SPRY2: variants seen among roughly 807,000 people sequenced by gnomAD.
The protein encoded by SPRY2 is protein sprouty homolog 2.
Under a neutral mutation model 23.4 loss-of-function variants are expected in SPRY2, and 10 were observed. That is an observed-to-expected ratio of 0.43 (90% confidence interval 0.26 to 0.73). SPRY2 has a LOEUF of 0.73. SPRY2 is among the 30% of genes least tolerant of loss of function. The pLI, the probability that SPRY2 is intolerant of heterozygous loss-of-function variation, is 0.22. For missense variants in SPRY2, 344 were observed against 396.9 expected (o/e 0.87, Z 1.13); for synonymous variants, 170 against 156.9 (o/e 1.08, Z -0.62).
chr13:80,336,560 T>G lies in SPRY2; in HGVS notation c.*198A>C, dbSNP rs1205829657. 6 of 655,498 alleles carry G rather than the reference T, an allele frequency of 9.2e-6. No individual in the cohort carries two copies. Among genetic ancestry groups the G allele is most frequent in the African/African-American group, 9.1e-5 (5 of 55,122 alleles). The allele number at this position is 655,498 out of a possible 1,614,324, so 40.6% of individuals were successfully genotyped here. On this transcript the variant is annotated 3_prime_UTR_variant, in exon 2 of 2. Coordinates refer to ENST00000377104, the MANE Select transcript of SPRY2 (RefSeq NM_005842.4). ...TCACCAAGTTCTGTATCTCATACTT[T>G]GAGCTCCATTAGCTGAGTTCTAACA...
Position 80,337,450 on chromosome 13 carries a change from G to C in SPRY2, c.256C>G (p.Pro86Ala), listed in dbSNP as rs1158468425. 5 of 1,614,202 alleles carry C rather than the reference G, an allele frequency of 3.1e-6. No homozygotes were observed. In the South Asian group the frequency reaches 5.5e-5, roughly 18 times the overall value. The change falls in exon 2 of 2, where the codon CCT becomes GCT. Residue 86 changes from proline (P) to alanine (A), a missense_variant. Physicochemically the swap from Pro to Ala is conservative, Grantham distance 27 (BLOSUM62 -1). Transcript: ENST00000377104. ...AGCCTAGGAGGCTGGCGGTGCTCAG[G>C]CAGACCGTGGAGTCTCTCGTGTTTG... ...QHKHERLHGL[P>A]EHRQPPRLQH...
rs762291759 is a variant in SPRY2 at position 80,337,486 on chromosome 13, A to C, written c.220T>G (p.Ser74Ala). 4 of 1,613,980 alleles carry C rather than the reference A, an allele frequency of 2.5e-6. No homozygotes were observed. The South Asian group carries it at 3.3e-5, about 13-fold the overall frequency. Residue 74 changes from serine (S) to alanine (A), a missense_variant, in exon 2 of 2, where the codon TCC becomes GCC. Coordinates refer to ENST00000377104, the MANE Select transcript of SPRY2 (RefSeq NM_005842.4). ...AGTCTCTCGTGTTTGTGCTGAGTGG[A>C]GGGGCGAGGAGCAGGCTTGAGCCCA... ...RPGLKPAPRP[S>A]TQHKHERLHG... is the part of the protein sequence containing the mutation.
chr13:80,340,181 C>T (rs1014011707), intron 1 of SPRY2, among the ~76,000 whole-genome samples: 32 of 152,378 alleles, frequency 2.1e-4, no homozygotes, highest in Non-Finnish European at 5.9e-5. Flanking sequence ...GGGACAGCCT[C>T]TCCCTGGACT....
chr13:80,339,566 A>G (rs1050764052), intron 1 of SPRY2: 1 of 151,596 alleles, frequency 6.6e-6, no homozygotes, highest in Non-Finnish European at 1.5e-5. Context: ...TTTTGTTTTT[A>G]TTTTTTAAGT....
rs1593913375 is a variant in SPRY2, at chr13:80,337,033, G to C, written c.673C>G (p.Leu225Val). The change falls in exon 2 of 2, where the codon CTC becomes GTC. Residue 225 changes from leucine to valine, a missense_variant. Transcript: ENST00000377104. Reference protein sequence around the residue: ...YGTCVCCVKGLFYHCSNDDED... With the variant: ...YGTCVCCVKGVFYHCSNDDED... ...TCATCATTAGAACAGTGATAGAAGA[G>C]ACCTTTCACACAGCATACACAAGTC... The C allele has an allele frequency of 1.2e-6, 2 of 1,614,222 alleles. No homozygotes were observed. Among genetic ancestry groups the C allele is most frequent in the Non-Finnish European group, 1.7e-6 (2 of 1,180,046 alleles).
Position 80,338,294 on chromosome 13 carries a change from G to T in SPRY2, c.-51-538C>A, listed in dbSNP as rs377741978. Among the ~76,000 whole-genome samples the T allele has an allele frequency of 3.7e-4, 57 of 152,172 alleles. No homozygotes were observed. In the East Asian group the frequency reaches 0.011, roughly 29 times the overall value. On this transcript the variant is annotated intron_variant, in intron 1 of 1. Transcript: ENST00000377104. ...TTTTCAAACCAGGTAGAATGAATAT[G>T]GCATGCAAAAAAGTAAATACCCAAA...
At position 80,337,056 on chromosome 13, in the gene SPRY2, G is replaced by A; in HGVS notation, c.650C>T (p.Thr217Ile). Residue 217 changes from threonine to isoleucine, a missense_variant, in exon 2 of 2, where the codon ACT (threonine) becomes ATT (isoleucine). Coordinates refer to ENST00000377104, the MANE Select transcript of SPRY2 (RefSeq NM_005842.4). ...CSAQNVIDYG[T>I]CVCCVKGLFY... is the part of the protein sequence containing the mutation. Reference sequence around the variant, plus strand: ...GAGACCTTTCACACAGCATACACAAGTCCCATAGTCAATCACGTTCTGGGC... The same window carrying A: ...GAGACCTTTCACACAGCATACACAAATCCCATAGTCAATCACGTTCTGGGC... 1.9e-6 allele frequency: 3 copies of A among 1,614,232 alleles called. No individual in the cohort carries two copies. The highest frequency in any genetic ancestry group is 2.5e-6 in the Non-Finnish European group (3 of 1,180,046).
rs1371929591 is a variant in SPRY2, at chr13:80,337,136, G to A, written c.570C>T (p.Thr190=). 7.4e-6 allele frequency: 12 copies of A among 1,614,236 alleles called. 1 individual carries two copies. In the Admixed American group the frequency reaches 1.3e-4, roughly 18 times the overall value. ...AGTCTGATGGCAGAGGCCTTGGGTA[G>A]GTGCACTCCTTACATTTGCACTTGC... The part of the protein sequence containing the change: ...DCGKCKCKEC[T]YPRPLPSDWI... Residue 190 remains threonine, a synonymous_variant, in exon 2 of 2, where the codon ACC becomes ACT. Transcript: ENST00000377104.
At position 80,340,971 on chromosome 13, in the gene SPRY2, C is replaced by A. The variant is rs369812724; in HGVS notation, c.-401G>T. The A allele has an allele frequency of 2.0e-4, 30 of 151,488 alleles. No homozygotes were observed. Among genetic ancestry groups the A allele is most frequent in the South Asian group, 1.3e-3 (7 of 5,552 alleles). 9.4% of individuals were successfully genotyped at this position (151,488 alleles called of 1,614,324 possible). On this transcript the variant is annotated 5_prime_UTR_variant, in exon 1 of 2. Coordinates refer to ENST00000377104, the MANE Select transcript of SPRY2 (RefSeq NM_005842.4). The stretch of plus-strand genomic sequence containing the variant: ...CCTTACGGAGAACCTAAAGCCAGAT[C>A]GCCAAGTGGTGCGGCCGGGGCCGCG...
In SPRY2 at chr13:80,337,274, A is replaced by G; in HGVS notation, c.432T>C (p.Pro144=). ...GCACCCGGATTATGCCATCAGCAAC[A>G]GGCCCGGAGGAGAAGGATGATCCTA... ...RLLGSSFSSG[P]VADGIIRVQP... is the part of the protein sequence containing the mutation. The change falls in exon 2 of 2, where the codon CCT becomes CCC. Residue 144 remains proline, a synonymous_variant. Transcript: ENST00000377104. 1 of 1,613,024 alleles carries G rather than the reference A, an allele frequency of 6.2e-7. No homozygotes were observed. The highest frequency in any genetic ancestry group is 8.5e-7 in the Non-Finnish European group (1 of 1,179,050).
Position 80,337,087 on chromosome 13 carries a change from A to T in SPRY2, c.619T>A (p.Cys207Ser). Residue 207 changes from cysteine (C) to serine (S), a missense_variant, in exon 2 of 2, where the codon TGC becomes AGC. Physicochemically the swap from Cys to Ser is moderately radical, Grantham distance 112. Transcript: ENST00000377104. ...SDWICDKQCL[C>S]SAQNVIDYGT... is the part of the protein sequence containing the mutation. ...TAGTCAATCACGTTCTGGGCCGAGC[A>T]AAGGCACTGCTTGTCGCAGATCCAG... The T allele has an allele frequency of 6.2e-7, 1 of 1,614,236 alleles. No individual in the cohort carries two copies. The highest frequency in any genetic ancestry group is 8.5e-7 in the Non-Finnish European group (1 of 1,180,048).
Position 80,337,767 on chromosome 13 carries a change from C to G in SPRY2, c.-51-11G>C, listed in dbSNP as rs1167926774. 1 of 1,501,196 alleles carries G rather than the reference C, an allele frequency of 6.7e-7. No individual in the cohort carries two copies. Among genetic ancestry groups the G allele is most frequent in the Admixed American group, 1.7e-5 (1 of 57,914 alleles). 93.0% of individuals were successfully genotyped at this position (1,501,196 alleles called of 1,614,324 possible). A position where few individuals can be genotyped will look rare whatever the true frequency, so the allele number is the denominator to read the frequency against. ...AACACATCTGAACTCCTGAGGAAGC[C>G]AAGAGGAAAGAACGGTTGATACTCT... On this transcript the variant is annotated splice_polypyrimidine_tract_variant and intron_variant, in intron 1 of 1. Coordinates refer to ENST00000377104, the MANE Select transcript of SPRY2 (RefSeq NM_005842.4).
At chr13:80,339,022 G>A (rs1289159324) in intron 1 of SPRY2, 1 of 152,510 alleles carries the variant, frequency 6.6e-6, no homozygotes, top group Non-Finnish European at 1.5e-5. Flanking sequence ...ACTCAGACAG[G>A]CGGGGGCCGC....
chr13:80,338,403 G>T (rs569171063), intron 1 of SPRY2, among the ~76,000 whole-genome samples: 1 of 152,124 alleles, frequency 6.6e-6, no homozygotes, highest in African/African-American at 2.4e-5. Flanking sequence ...CCTATTAGGT[G>T]CCAGAAACAC....
intron 1 of SPRY2, 70 bp from the exon 2 acceptor site, chr13:80,337,826 ACTC>A (rs935674061): frequency 3.5e-6 from 3 of 867,940 alleles, no homozygotes; most frequent in Non-Finnish European, 3.7e-6. Flanking sequence ...ACCTGAATTG[ACTC>A]CTCACTTCCC....
At position 80,337,254 on chromosome 13, in the gene SPRY2, C is replaced by T. The variant is rs1167458110; in HGVS notation, c.452G>A (p.Arg151Gln). ...SSGPVADGIIRVQPKSELKPG... is the reference protein window; with the variant it reads ...SSGPVADGIIQVQPKSELKPG... ...CTTGAGCTCAGATTTGGGTTGCACC[C>T]GGATTATGCCATCAGCAACAGGCCC... Residue 151 changes from arginine to glutamine, a missense_variant, in exon 2 of 2, where the codon CGG (arginine) becomes CAG (glutamine). Coordinates refer to ENST00000377104, the MANE Select transcript of SPRY2 (RefSeq NM_005842.4). The T allele has an allele frequency of 8.1e-6, 13 of 1,612,148 alleles. No homozygotes were observed. In the Admixed American group the frequency reaches 1.2e-4, roughly 14 times the overall value.
In SPRY2 at chr13:80,337,157, C is replaced by T; in HGVS notation, c.549G>A (p.Lys183=). 1 of 1,614,162 alleles carries T rather than the reference C, an allele frequency of 6.2e-7. No homozygotes were observed. Among genetic ancestry groups the T allele is most frequent in the Non-Finnish European group, 8.5e-7 (1 of 1,179,974 alleles). The change falls in exon 2 of 2, where the codon AAG becomes AAA. Residue 183 remains lysine (K), a synonymous_variant. Transcript: ENST00000377104. ...LHAYRCEDCG[K]CKCKECTYPR... is the part of the protein sequence containing the mutation. The stretch of plus-strand genomic sequence containing the variant: ...GGTAGGTGCACTCCTTACATTTGCA[C>T]TTGCCACAGTCCTCACACCTGTAGG...
chr13:80,339,413 G>A (rs1161820410), intron 1 of SPRY2: 2 of 151,954 alleles, frequency 1.3e-5, no homozygotes, highest in South Asian at 2.1e-4. Context: ...TAAAGTGAAA[G>A]AAAAATGGCT....
At chr13:80,339,157 CCAGGCAGAGGTCACGCCGCCCA>C (rs1880407978) in intron 1 of SPRY2, 1 of 152,420 alleles carries the variant, frequency 6.6e-6, no homozygotes, top group African/African-American at 2.4e-5. Context: ...CACTCCGCCC[CCAGGCAGAGGTCACGCCGCCCA>C]CTGCCAGGCT....
Sources: allele counts gnomAD v4.1 joint callset (sites outside exome capture counted in the v4.1 genomes callset), GRCh38; gene constraint gnomAD v4.1.1; transcripts MANE v1.5; gene names NCBI Gene and HGNC (gene_info 2026-07-23, HGNC 2026-07-21).